NTM: variants seen among roughly 807,000 people sequenced by gnomAD.
NTM encodes neurotrimin, also known as IgLON family member 2.
In NTM, 13 loss-of-function variants were observed where a neutral mutation model predicts 42.1. The observed-to-expected ratio is 0.31, with a 90% CI of 0.20 to 0.49. The LOEUF (loss-of-function observed/expected upper bound fraction) is 0.49, where lower values mean the gene tolerates loss of function less well. Among genes scored for constraint, NTM ranks in the 20% least tolerant of loss-of-function variants. The pLI, the probability that NTM is intolerant of heterozygous loss-of-function variation, is 0.99. For synonymous variants in NTM, 187 were observed against 179.2 expected (o/e 1.04, Z -0.35); for missense variants, 373 against 452.8 (o/e 0.82, Z 1.60).
chr11:131,610,709 C>CA (rs2061399162), intron 1 of NTM, among the ~76,000 whole-genome samples: 1 of 152,114 alleles, frequency 6.6e-6, no homozygotes, highest in African/African-American at 2.4e-5. Context: ...TCTGGGCAGG[C>CA]AGGGGGTAAG....
rs377722238 is a variant in NTM, at chr11:131,551,228, G to A, written c.82+180340G>A. Among the ~76,000 whole-genome samples the A allele has an allele frequency of 4.7e-4, 71 of 152,296 alleles. 2 individuals carry two copies. In the East Asian group the frequency reaches 0.014, roughly 29 times the overall value. On this transcript the variant is annotated intron_variant, in intron 1 of 8. Coordinates refer to ENST00000683400, the MANE Select transcript of NTM (RefSeq NM_001352005.2). ...CCATTTCATGGAGAGGAGAAAATGG[G>A]AGGACCCAAGGTGACCTTTAGAGAG...
intron 1 of NTM, among the ~76,000 whole-genome samples, chr11:131,867,826 C>T (rs1223377122): frequency 6.6e-6 from 1 of 152,102 alleles, no homozygotes; most frequent in Admixed American, 6.5e-5. Context: ...TTGGTTTACA[C>T]ACAAGCACAG....
intron 2 of NTM, among the ~76,000 whole-genome samples, chr11:132,009,595 G>A (rs941705015): frequency 3.9e-5 from 6 of 152,158 alleles, no homozygotes; most frequent in African/African-American, 4.8e-5. Flanking sequence ...CCCCAGGGAC[G>A]TCTTTGGAGC....
chr11:132,027,783 T>G (rs2075379434), intron 2 of NTM, among the ~76,000 whole-genome samples: 1 of 152,356 alleles, frequency 6.6e-6, no homozygotes, highest in Non-Finnish European at 1.5e-5. Context: ...GTTTCTGTCA[T>G]AAATTTTTGG....
intron 2 of NTM, among the ~76,000 whole-genome samples, chr11:131,982,433 C>T (rs183119662): frequency 9.2e-5 from 14 of 152,116 alleles, no homozygotes; most frequent in South Asian, 2.1e-4. Context: ...TGGAGAGACA[C>T]GAGAGGTGGG....
chr11:132,230,039 G>A (rs1029779253), intron 4 of NTM, among the ~76,000 whole-genome samples: 8 of 152,186 alleles, frequency 5.3e-5, no homozygotes, highest in South Asian at 2.1e-4. Flanking sequence ...CCCAACAGAA[G>A]GTTAATTGGC....
At chr11:131,860,822 T>A (rs1005137528) in intron 1 of NTM, among the ~76,000 whole-genome samples, 2 of 152,176 alleles carry the variant, frequency 1.3e-5, no homozygotes. Flanking sequence ...TTGCACAACC[T>A]TCATGGACAC....
chr11:131,468,884 G>T (rs1952151083), intron 1 of NTM, among the ~76,000 whole-genome samples: 1 of 152,196 alleles, frequency 6.6e-6, no homozygotes, highest in Non-Finnish European at 1.5e-5. Context: ...CAGGTGGTTT[G>T]GGCATCCTAG....
chr11:131,451,859 C>A (rs184354190), intron 1 of NTM, among the ~76,000 whole-genome samples: 8 of 152,164 alleles, frequency 5.3e-5, no homozygotes, highest in African/African-American at 1.9e-4. Context: ...GCAAGGAGAC[C>A]ATTTGGGCTA....
intron 1 of NTM, among the ~76,000 whole-genome samples, chr11:131,836,563 A>G (rs1351442134): frequency 6.6e-6 from 1 of 152,194 alleles, no homozygotes; most frequent in East Asian, 1.9e-4. Context: ...AATTTATTTG[A>G]GCCTAGGAAT....
chr11:132,079,706 G>A (rs1309279426), intron 2 of NTM, among the ~76,000 whole-genome samples: 2 of 152,182 alleles, frequency 1.3e-5, no homozygotes, highest in Non-Finnish European at 2.9e-5. Context: ...CTGGTTGCAT[G>A]TTCCTGACAC....
At chr11:131,567,343 C>T (rs1208896583) in intron 1 of NTM, among the ~76,000 whole-genome samples, 2 of 152,032 alleles carry the variant, frequency 1.3e-5, no homozygotes, top group South Asian at 2.1e-4. Context: ...AAAAATTAGC[C>T]GGGCGTGATG....
intron 5 of NTM, among the ~76,000 whole-genome samples, chr11:132,308,259 A>C (rs1261173912): frequency 6.6e-6 from 1 of 152,226 alleles, no homozygotes; most frequent in Non-Finnish European, 1.5e-5. Flanking sequence ...TCAAACTTCC[A>C]TTTATGGTAT....
intron 2 of NTM, among the ~76,000 whole-genome samples, chr11:131,922,938 T>G (rs2057432474): frequency 6.6e-6 from 1 of 152,230 alleles, no homozygotes; most frequent in African/African-American, 2.4e-5. Context: ...ACTTCTCTGC[T>G]GTTCCTGGAA....
intron 1 of NTM, among the ~76,000 whole-genome samples, chr11:131,473,405 G>A (rs1952633163): frequency 6.6e-6 from 1 of 152,278 alleles, no homozygotes; most frequent in East Asian, 1.9e-4. Flanking sequence ...GAATCAATAG[G>A]TGAAGGCGTA....
At position 131,655,763 on chromosome 11, in the gene NTM, A is replaced by T. The variant is rs552450194; in HGVS notation, c.83-255801A>T. Among the ~76,000 whole-genome samples, 394 of 152,360 alleles carry T rather than the reference A, an allele frequency of 2.6e-3. 4 individuals carry two copies. The highest frequency in any genetic ancestry group is 2.6e-3 in the Non-Finnish European group (175 of 68,038). The stretch of plus-strand genomic sequence containing the variant: ...AATATGCTCACTGGAATGAAAAGAA[A>T]CATCTCCTACCCAGCCAAGCTCTGT... On this transcript the variant is annotated intron_variant, in intron 1 of 8. Transcript: ENST00000683400.
chr11:131,456,770 A>G (rs547268661), intron 1 of NTM, among the ~76,000 whole-genome samples: 5 of 152,200 alleles, frequency 3.3e-5, no homozygotes, highest in Admixed American at 6.5e-5. Flanking sequence ...TGATGACACT[A>G]GCATGTTCCT....
chr11:132,085,825 C>T (rs1333424547), intron 2 of NTM, among the ~76,000 whole-genome samples: 23 of 152,176 alleles, frequency 1.5e-4, no homozygotes, highest in Non-Finnish European at 3.2e-4. Context: ...GTTAGGAAAG[C>T]ATGCTGTTTG....
intron 2 of NTM, among the ~76,000 whole-genome samples, chr11:131,982,378 G>A (rs1467815392): frequency 6.6e-6 from 1 of 152,124 alleles, no homozygotes; most frequent in Admixed American, 6.5e-5. Context: ...GCAAGAACAA[G>A]GATGAAAGGA....
Sources: allele counts gnomAD v4.1 joint callset (sites outside exome capture counted in the v4.1 genomes callset), GRCh38; gene constraint gnomAD v4.1.1; transcripts MANE v1.5; gene names NCBI Gene and HGNC (gene_info 2026-07-23, HGNC 2026-07-21).